The following ANKRD55 variants were observed in gnomAD, a reference collection of about 807,000 sequenced individuals.
ANKRD55 encodes the protein ankyrin repeat domain 55.
A neutral mutation model predicts 60.6 loss-of-function variants in ANKRD55; 41 were observed. The ratio of observed to expected loss-of-function variants is 0.68; its 90% CI spans 0.53 to 0.88. ANKRD55 has a LOEUF of 0.88. Among genes scored for constraint, ANKRD55 ranks in the 40% least tolerant of loss-of-function variants. The probability of loss-of-function intolerance (pLI) is 0.00; values close to 1 mark genes in which losing one functional copy is unlikely to be tolerated. For missense variants in ANKRD55, 732 were observed against 767.6 expected (o/e 0.95, Z 0.55); for synonymous variants, 264 against 290.3 (o/e 0.91, Z 0.92).
In ANKRD55 at chr5:56,173,347, G is replaced by A. The variant is rs543241910; in HGVS notation, c.313-2544C>T. ...CAAGTAGCTGGGACTACATGCATGCGCCACCACGCCTGGCTACATTTTGTA... is the reference window on the plus strand; with the variant it reads ...CAAGTAGCTGGGACTACATGCATGCACCACCACGCCTGGCTACATTTTGTA... On this transcript the variant is annotated intron_variant, in intron 4 of 11. Transcript: ENST00000341048. Among the ~76,000 whole-genome samples, 9 of 151,784 alleles carry A rather than the reference G, an allele frequency of 5.9e-5. No homozygotes were observed. The South Asian group carries it at 6.3e-4, about 11-fold the overall frequency.
chr5:56,166,123 T>TTTCTTTCTTTC (rs1758457610), intron 5 of ANKRD55, among the ~76,000 whole-genome samples: 2 of 88,558 alleles, frequency 2.3e-5, no homozygotes, highest in Non-Finnish European at 4.3e-5. Flanking sequence ...TCTTTCTTTC[T>TTTCTTTCTTTC]TTCTTTCTTT....
intron 8 of ANKRD55, among the ~76,000 whole-genome samples, chr5:56,122,793 T>C (rs1275288221): frequency 6.6e-6 from 1 of 151,570 alleles, no homozygotes; most frequent in Non-Finnish European, 1.5e-5. Context: ...TGAGATACGG[T>C]CTCACTCTGT....
chr5:56,160,065 T>C (rs1758288656), intron 5 of ANKRD55, among the ~76,000 whole-genome samples, 172 bp from the exon 6 acceptor site: 1 of 152,054 alleles, frequency 6.6e-6, no homozygotes, highest in African/African-American at 2.4e-5. Flanking sequence ...AGCAAGAGTG[T>C]GATAGGTTAG....
intron 2 of ANKRD55, among the ~76,000 whole-genome samples, chr5:56,224,729 C>A (rs1000145188): frequency 7.2e-5 from 11 of 152,112 alleles, no homozygotes; most frequent in Admixed American, 2.0e-4. Flanking sequence ...ACTAGACAAT[C>A]TAGAAGAAAT....
intron 2 of ANKRD55, among the ~76,000 whole-genome samples, chr5:56,195,631 A>G: frequency 6.6e-6 from 1 of 152,030 alleles, no homozygotes; most frequent in East Asian, 1.9e-4. Context: ...TTTAGTAGAG[A>G]TGGGGTTTTG....
intron 8 of ANKRD55, among the ~76,000 whole-genome samples, chr5:56,120,899 C>CA (rs34532327): frequency 0.45 from 36,379 of 80,756 alleles, 6,901 homozygotes; most frequent in East Asian, 0.65. Context: ...GACTCCGTCT[C>CA]AAAAAAAAAA....
intron 2 of ANKRD55, among the ~76,000 whole-genome samples, chr5:56,221,521 C>T (rs948953260): frequency 1.5e-4 from 23 of 152,174 alleles, no homozygotes; most frequent in South Asian, 1.0e-3. Context: ...TGCAGCCCAC[C>T]GAGCATGAGC....
intron 2 of ANKRD55, among the ~76,000 whole-genome samples, chr5:56,187,554 T>C (rs1759001512): frequency 6.6e-6 from 1 of 152,168 alleles, no homozygotes; most frequent in Admixed American, 6.5e-5. Flanking sequence ...CCACCACTGC[T>C]GTTTGCTGCT....
chr5:56,143,651 T>C, intron 7 of ANKRD55, 150 bp downstream of exon 7: 1 of 1,107,490 alleles, frequency 9.0e-7, no homozygotes, highest in Non-Finnish European at 1.3e-6. Flanking sequence ...ACTACTCCCC[T>C]TTGCATCTTG....
chr5:56,220,905 C>A (rs1269586644), intron 2 of ANKRD55, among the ~76,000 whole-genome samples: 3 of 152,304 alleles, frequency 2.0e-5, no homozygotes, highest in South Asian at 2.1e-4. Context: ...AAAAAAGATT[C>A]TTCTCCCATC....
chr5:56,187,468 ACT>A (rs1466179240), intron 2 of ANKRD55, among the ~76,000 whole-genome samples: 1 of 152,018 alleles, frequency 6.6e-6, no homozygotes, highest in Non-Finnish European at 1.5e-5. Flanking sequence ...CTCTGTTTTC[ACT>A]CTATTAAATC....
At chr5:56,232,728 G>GCACACCCACGCACATGAA in intron 2 of ANKRD55, 128 bp downstream of exon 2, 1 of 839,200 alleles carries the variant, frequency 1.2e-6, no homozygotes, top group South Asian at 1.7e-5. Context: ...AAATACTCAT[G>GCACACCCACGCACATGAA]CACACCCACG....
intron 7 of ANKRD55, among the ~76,000 whole-genome samples, chr5:56,133,663 C>T (rs1191863801): frequency 8.9e-6 from 1 of 112,384 alleles, no homozygotes; most frequent in Non-Finnish European, 2.1e-5. Flanking sequence ...CAACAGACAA[C>T]TGGAAAATTT....
intron 2 of ANKRD55, among the ~76,000 whole-genome samples, chr5:56,221,121 G>A (rs1759950670): frequency 2.0e-5 from 3 of 152,178 alleles, no homozygotes; most frequent in Admixed American, 2.0e-4. Flanking sequence ...CTCTGAGCCT[G>A]AACTCAGCAA....
intron 8 of ANKRD55, among the ~76,000 whole-genome samples, chr5:56,124,038 G>T (rs1486264525): frequency 6.6e-6 from 1 of 152,152 alleles, no homozygotes; most frequent in Non-Finnish European, 1.5e-5. Context: ...TGCAGCGTTG[G>T]TTGAGCTATC....
At position 56,111,159 on chromosome 5, in the gene ANKRD55, G is replaced by C. The variant is rs1756681688; in HGVS notation, c.1589C>G (p.Ser530Cys). 1 of 1,614,048 alleles carries C rather than the reference G, an allele frequency of 6.2e-7. No individual in the cohort carries two copies. The highest frequency in any genetic ancestry group is 8.5e-7 in the Non-Finnish European group (1 of 1,180,018). ...LSVRPGHQEV[S>C]VPPHLRHLHN... ...TAGATGGCGAAGGTGTGGTGGCACGGAGACCTCTTGGTGACCAGGCCGGAC... is the reference window on the plus strand; with the variant it reads ...TAGATGGCGAAGGTGTGGTGGCACGCAGACCTCTTGGTGACCAGGCCGGAC... The change falls in exon 10 of 12, where the codon TCC becomes TGC. Residue 530 changes from serine (S) to cysteine (C), a missense_variant. Around this residue, in one of 3 missense-constraint regions of ANKRD55, gnomAD observed 597 missense variants for 607.5 expected, o/e 0.98. Transcript: ENST00000341048.
At chr5:56,206,988 A>G (rs1759528200) in intron 2 of ANKRD55, among the ~76,000 whole-genome samples, 1 of 152,222 alleles carries the variant, frequency 6.6e-6, no homozygotes. Flanking sequence ...GGGCTGGGAT[A>G]CAATGATAGA....
rs543709479 is a variant in ANKRD55, at chr5:56,122,976, G to A, written c.797+3946C>T. ...AGATGGGGTTTCGCCATGTTGCCAAGGCTGCTCTCGAACTCCTGGGCTCAA... is the reference window on the plus strand; with the variant it reads ...AGATGGGGTTTCGCCATGTTGCCAAAGCTGCTCTCGAACTCCTGGGCTCAA... On this transcript the variant is annotated intron_variant, in intron 8 of 11. Coordinates refer to ENST00000341048, the MANE Select transcript of ANKRD55 (RefSeq NM_024669.3). Among the ~76,000 whole-genome samples the A allele has an allele frequency of 4.7e-4, 72 of 152,028 alleles. 1 individual carries two copies. Among genetic ancestry groups the A allele is most frequent in the African/African-American group, 1.7e-3 (71 of 41,400 alleles).
chr5:56,114,905 C>A (rs542476935), intron 9 of ANKRD55, among the ~76,000 whole-genome samples: 2 of 152,220 alleles, frequency 1.3e-5, no homozygotes, highest in South Asian at 2.1e-4. Context: ...GATACTGTGG[C>A]TGGGTATGAT....
Sources: allele counts gnomAD v4.1 joint callset (sites outside exome capture counted in the v4.1 genomes callset), GRCh38; gene constraint gnomAD v4.1.1; regional missense constraint gnomAD v4.1.1; transcripts MANE v1.5; gene names NCBI Gene and HGNC (gene_info 2026-07-23, HGNC 2026-07-21).